AHCYL2: variants seen among roughly 807,000 people sequenced by gnomAD.
The protein encoded by AHCYL2 is adenosylhomocysteinase like 2.
A neutral mutation model predicts 81.4 loss-of-function variants in AHCYL2; 28 were observed. That is an observed-to-expected ratio of 0.34 (90% CI 0.25 to 0.47). The LOEUF (loss-of-function observed/expected upper bound fraction) is 0.47, where lower values mean the gene tolerates loss of function less well. Ranked by LOEUF, AHCYL2 falls within the 20% of genes least tolerant of loss-of-function variation. The pLI, the probability that AHCYL2 is intolerant of heterozygous loss-of-function variation, is 1.00. For synonymous variants in AHCYL2, 272 were observed against 290.2 expected, an observed-to-expected ratio of 0.94 and a Z score of 0.64; for missense variants, 551 against 785.1, an observed-to-expected ratio of 0.70 and a Z score of 3.56.
At chr7:129,275,082 C>T (rs1288611175) in intron 1 of AHCYL2, among the ~76,000 whole-genome samples, 2 of 152,126 alleles carry the variant, frequency 1.3e-5, no homozygotes, top group African/African-American at 4.8e-5. Context: ...TTAAATTTAG[C>T]CGTAGATAAC....
intron 1 of AHCYL2, among the ~76,000 whole-genome samples, chr7:129,270,149 A>T (rs545603368): frequency 3.9e-5 from 6 of 152,320 alleles, no homozygotes; most frequent in African/African-American, 1.4e-4. Context: ...TTCCTTTCTC[A>T]GTTCCTTTAG....
intron 1 of AHCYL2, among the ~76,000 whole-genome samples, chr7:129,281,888 AGT>A (rs1288907943): frequency 6.6e-6 from 1 of 152,210 alleles, no homozygotes. Context: ...CATTTCCTTT[AGT>A]GCTGCTTTAG....
chr7:129,370,593 G>T (rs1192271782), intron 1 of AHCYL2, among the ~76,000 whole-genome samples: 2 of 152,200 alleles, frequency 1.3e-5, no homozygotes, highest in Non-Finnish European at 2.9e-5. Context: ...AGCTACTCTG[G>T]AGGCTGAGGC....
chr7:129,374,465 A>G (rs565158235), intron 1 of AHCYL2, among the ~76,000 whole-genome samples: 85 of 152,136 alleles, frequency 5.6e-4, no homozygotes, highest in African/African-American at 2.0e-3. Flanking sequence ...AATAAGCAGT[A>G]TGCAATGTGA....
At chr7:129,279,084 G>C (rs192162618) in intron 1 of AHCYL2, among the ~76,000 whole-genome samples, 2 of 152,024 alleles carry the variant, frequency 1.3e-5, no homozygotes, top group African/African-American at 4.8e-5. Flanking sequence ...GAATCAGTTT[G>C]TCAGATTCTA....
At chr7:129,282,876 T>C (rs1238394473) in intron 1 of AHCYL2, among the ~76,000 whole-genome samples, 2 of 151,872 alleles carry the variant, frequency 1.3e-5, no homozygotes, top group Non-Finnish European at 2.9e-5. Context: ...GAAAAAAAAA[T>C]ATTTGTTAGG....
chr7:129,374,387 A>G (rs1041588921), intron 1 of AHCYL2, among the ~76,000 whole-genome samples: 3 of 152,184 alleles, frequency 2.0e-5, no homozygotes, highest in African/African-American at 7.2e-5. Flanking sequence ...GTACAAATTA[A>G]TAGAAGTAAC....
At chr7:129,418,072 A>G (rs1052448164) in intron 12 of AHCYL2, among the ~76,000 whole-genome samples, 37 of 152,248 alleles carry the variant, frequency 2.4e-4, no homozygotes, top group African/African-American at 8.2e-4. Flanking sequence ...AAAGACCCTG[A>G]GGGAGACACC....
intron 11 of AHCYL2, among the ~76,000 whole-genome samples, chr7:129,409,873 A>G (rs1796483862): frequency 6.6e-6 from 1 of 151,170 alleles, no homozygotes; most frequent in Non-Finnish European, 1.5e-5. Context: ...CCAAAAATAT[A>G]TTTATTTTTA....
Position 129,413,013 on chromosome 7 carries a change from A to T in AHCYL2, c.1367-581A>T, listed in dbSNP as rs113787532. Among the ~76,000 whole-genome samples, 894 of 145,362 alleles carry T rather than the reference A, an allele frequency of 6.2e-3. 11 individuals are homozygous for T. Among genetic ancestry groups the T allele is most frequent in the African/African-American group, 0.022 (862 of 39,286 alleles). On this transcript the variant is annotated intron_variant, in intron 11 of 16. Coordinates refer to ENST00000325006, the MANE Select transcript of AHCYL2 (RefSeq NM_015328.4). Reference sequence around the variant, plus strand: ...GCCACCACACCCAGCTTATTTTTGTATTTTTTTTGTAGAAATGGGACTTTG... The same window carrying T: ...GCCACCACACCCAGCTTATTTTTGTTTTTTTTTTGTAGAAATGGGACTTTG...
chr7:129,381,540 C>T (rs1235358577), intron 2 of AHCYL2, among the ~76,000 whole-genome samples: 1 of 152,138 alleles, frequency 6.6e-6, no homozygotes, highest in East Asian at 1.9e-4. Context: ...ATACTAAGTT[C>T]AGGCACAGGA....
At chr7:129,286,749 C>T (rs1481511368) in intron 1 of AHCYL2, among the ~76,000 whole-genome samples, 1 of 151,988 alleles carries the variant, frequency 6.6e-6, no homozygotes, top group Non-Finnish European at 1.5e-5. Flanking sequence ...GGGTGAGCCA[C>T]CACTTCCAGC....
intron 4 of AHCYL2, among the ~76,000 whole-genome samples, chr7:129,391,192 C>T (rs1203830097): frequency 1.3e-5 from 2 of 152,090 alleles, no homozygotes; most frequent in Non-Finnish European, 2.9e-5. Flanking sequence ...GCAGCATTGC[C>T]ATGATTTTCT....
Position 129,349,177 on chromosome 7 carries a change from C to T in AHCYL2, c.364-30461C>T, listed in dbSNP as rs79126242. Among the ~76,000 whole-genome samples, 241 of 152,216 alleles carry T rather than the reference C, an allele frequency of 1.6e-3. 2 individuals are homozygous for T. Among genetic ancestry groups the T allele is most frequent in the African/African-American group, 5.6e-3 (233 of 41,530 alleles). On this transcript the variant is annotated intron_variant, in intron 1 of 16. Transcript: ENST00000325006. ...GGACAAATTCAAAGGTTCCCTTCATCTTGAAAATGTTTTGATTCTATCTAG... is the reference window on the plus strand; with the variant it reads ...GGACAAATTCAAAGGTTCCCTTCATTTTGAAAATGTTTTGATTCTATCTAG...
At chr7:129,411,603 T>G (rs1796580482) in intron 11 of AHCYL2, among the ~76,000 whole-genome samples, 1 of 141,666 alleles carries the variant, frequency 7.1e-6, no homozygotes, top group South Asian at 2.2e-4. Flanking sequence ...CTACTAAAAA[T>G]ACAAAAAATT....
intron 1 of AHCYL2, among the ~76,000 whole-genome samples, chr7:129,301,964 A>G (rs1797272449): frequency 6.6e-6 from 1 of 151,994 alleles, no homozygotes; most frequent in African/African-American, 2.4e-5. Context: ...ATTCTGCTTT[A>G]GGTAGGATGG....
rs946301755 is a variant in AHCYL2 at position 129,314,592 on chromosome 7, A to T, written c.364-65046A>T. 3.3e-5 allele frequency among the ~76,000 whole-genome samples: 5 copies of T among 152,210 alleles called. No homozygotes were observed. In the East Asian group the frequency reaches 9.6e-4, roughly 29 times the overall value. ...GCCATGTCCTTGCATAGTGGAAGGG[A>T]TGAGAGAGCTCTCAGCTCTCTTTTA... On this transcript the variant is annotated intron_variant, in intron 1 of 16. Coordinates refer to ENST00000325006, the MANE Select transcript of AHCYL2 (RefSeq NM_015328.4).
intron 1 of AHCYL2, among the ~76,000 whole-genome samples, chr7:129,314,977 G>A (rs1223935138): frequency 1.3e-5 from 2 of 152,052 alleles, no homozygotes; most frequent in East Asian, 3.9e-4. Context: ...AGATACTAAT[G>A]CCTATTTAAC....
intron 12 of AHCYL2, among the ~76,000 whole-genome samples, chr7:129,421,982 C>T (rs2150966351): frequency 6.6e-6 from 1 of 152,276 alleles, no homozygotes; most frequent in South Asian, 2.1e-4. Context: ...GGCAGAACTT[C>T]TTAATTTTAT....
Sources: allele counts gnomAD v4.1 joint callset (sites outside exome capture counted in the v4.1 genomes callset), GRCh38; gene constraint gnomAD v4.1.1; transcripts MANE v1.5; gene names NCBI Gene and HGNC (gene_info 2026-07-23, HGNC 2026-07-21).